GRIA4: variants seen among roughly 807,000 people sequenced by gnomAD.
GRIA4 encodes the protein glutamate receptor 4.
A neutral mutation model predicts 104.0 loss-of-function variants in GRIA4; 34 were observed. That is an observed-to-expected ratio of 0.33 (90% confidence interval 0.25 to 0.44). The LOEUF is 0.44. Ranked by LOEUF, GRIA4 falls within the 20% of genes least tolerant of loss-of-function variation. The pLI is 1.00. For missense variants in GRIA4, 750 were observed against 1,096.5 expected (o/e 0.68, Z 4.46); for synonymous variants, 386 against 381.9 (o/e 1.01, Z -0.13).
intron 4 of GRIA4, among the ~76,000 whole-genome samples, chr11:105,823,207 A>T (rs1943639614): frequency 6.6e-6 from 1 of 152,280 alleles, no homozygotes; most frequent in Admixed American, 6.5e-5. Flanking sequence ...TGGCAGATTC[A>T]TGTATGTCTC....
At chr11:105,611,563 T>C (rs1032405518) in intron 2 of GRIA4, among the ~76,000 whole-genome samples, 1 of 152,204 alleles carries the variant, frequency 6.6e-6, no homozygotes, top group African/African-American at 2.4e-5. Flanking sequence ...CCCTGCCGTT[T>C]CTTGCTACCA....
At chr11:105,634,485 GA>G (rs1175233287) in intron 3 of GRIA4, among the ~76,000 whole-genome samples, 13 of 59,808 alleles carry the variant, frequency 2.2e-4, no homozygotes, top group African/African-American at 6.1e-4. Flanking sequence ...AAGAAAGAAA[GA>G]AAGAAAGAAA....
At chr11:105,832,684 G>T (rs1944020390) in intron 4 of GRIA4, among the ~76,000 whole-genome samples, 1 of 151,868 alleles carries the variant, frequency 6.6e-6, no homozygotes, top group Admixed American at 6.6e-5. Flanking sequence ...TTTGTCCATG[G>T]AGATACCTGT....
chr11:105,830,290 A>T (rs1167466281), intron 4 of GRIA4, among the ~76,000 whole-genome samples: 1 of 152,056 alleles, frequency 6.6e-6, no homozygotes, highest in Non-Finnish European at 1.5e-5. Flanking sequence ...AAACTAGTGC[A>T]GTGGCTTGGT....
At chr11:105,699,879 A>G (rs1007700504) in intron 3 of GRIA4, among the ~76,000 whole-genome samples, 1 of 152,104 alleles carries the variant, frequency 6.6e-6, no homozygotes, top group Non-Finnish European at 1.5e-5. Flanking sequence ...CATAACATTT[A>G]TCACCATCTG....
intron 5 of GRIA4, among the ~76,000 whole-genome samples, chr11:105,877,708 A>G (rs1454341405): frequency 6.6e-6 from 1 of 152,060 alleles, no homozygotes; most frequent in Non-Finnish European, 1.5e-5. Context: ...TCAGCTATTG[A>G]TATTTGTGTA....
intron 6 of GRIA4, among the ~76,000 whole-genome samples, chr11:105,897,622 TGTTG>T (rs1470939727): frequency 6.6e-6 from 1 of 152,176 alleles, no homozygotes; most frequent in Non-Finnish European, 1.5e-5. Context: ...TATGAAAGTA[TGTTG>T]CATTTTATCA....
intron 4 of GRIA4, among the ~76,000 whole-genome samples, chr11:105,831,447 A>G (rs975620164): frequency 3.3e-5 from 5 of 152,046 alleles, no homozygotes; most frequent in Non-Finnish European, 7.4e-5. Context: ...GCATGAGCAT[A>G]CGGGAAAAGG....
intron 3 of GRIA4, among the ~76,000 whole-genome samples, chr11:105,651,516 A>C (rs1274526211): frequency 6.6e-6 from 1 of 152,108 alleles, no homozygotes; most frequent in Non-Finnish European, 1.5e-5. Context: ...GATGCTCAGT[A>C]ATGTTGCAGA....
At chr11:105,764,806 A>AT (rs1448950323) in intron 4 of GRIA4, among the ~76,000 whole-genome samples, 1 of 151,450 alleles carries the variant, frequency 6.6e-6, no homozygotes, top group African/African-American at 2.4e-5. Context: ...GAAAAAAAAA[A>AT]GCTTTAGAGA....
At chr11:105,720,463 G>A (rs886716830) in intron 3 of GRIA4, among the ~76,000 whole-genome samples, 2 of 151,948 alleles carry the variant, frequency 1.3e-5, no homozygotes, top group African/African-American at 2.4e-5. Context: ...ATGAAATGAT[G>A]GGTTTCTCAA....
intron 7 of GRIA4, among the ~76,000 whole-genome samples, chr11:105,903,335 T>C (rs61902577): frequency 0.059 from 9,039 of 152,288 alleles, 292 homozygotes; most frequent in Non-Finnish European, 0.079. Context: ...TGAACAAAGA[T>C]AGATACTTCA....
At chr11:105,953,404 A>G (rs1462528825) in intron 14 of GRIA4, among the ~76,000 whole-genome samples, 1 of 152,164 alleles carries the variant, frequency 6.6e-6, no homozygotes, top group East Asian at 1.9e-4. Flanking sequence ...AGATGTCATT[A>G]ATTAAACTAC....
intron 14 of GRIA4, among the ~76,000 whole-genome samples, chr11:105,970,464 C>T (rs574459589): frequency 6.6e-6 from 1 of 152,258 alleles, no homozygotes; most frequent in African/African-American, 2.4e-5. Context: ...GCTACTGCCT[C>T]GCTGTGTAAC....
At chr11:105,852,567 T>A (rs1053757492) in intron 4 of GRIA4, among the ~76,000 whole-genome samples, 2 of 152,188 alleles carry the variant, frequency 1.3e-5, no homozygotes, top group Non-Finnish European at 2.9e-5. Context: ...TCACCTAGCA[T>A]GCTGTTCAAT....
chr11:105,650,159 C>A (rs1261564785), intron 3 of GRIA4, among the ~76,000 whole-genome samples: 1 of 152,172 alleles, frequency 6.6e-6, no homozygotes, highest in African/African-American at 2.4e-5. Flanking sequence ...AACTATTCTA[C>A]ATTTACAAAT....
At chr11:105,860,954 C>T (rs1945198191) in intron 4 of GRIA4, among the ~76,000 whole-genome samples, 1 of 80,280 alleles carries the variant, frequency 1.2e-5, no homozygotes. Context: ...GCAAGACTGT[C>T]TGAAAAAAAA....
chr11:105,746,724 C>A (rs1455349514), intron 3 of GRIA4, among the ~76,000 whole-genome samples: 2 of 151,912 alleles, frequency 1.3e-5, no homozygotes, highest in African/African-American at 4.8e-5. Flanking sequence ...TAACTGATAA[C>A]TTTTTCAAAT....
chr11:105,699,508 G>A (rs1953408019), intron 3 of GRIA4, among the ~76,000 whole-genome samples: 1 of 152,144 alleles, frequency 6.6e-6, no homozygotes, highest in African/African-American at 2.4e-5. Flanking sequence ...CTTTCAGTCC[G>A]TTCTGCCAGA....
Sources: allele counts gnomAD v4.1 joint callset (sites outside exome capture counted in the v4.1 genomes callset), GRCh38; gene constraint gnomAD v4.1.1; transcripts MANE v1.5; gene names NCBI Gene and HGNC (gene_info 2026-07-23, HGNC 2026-07-21).